Variants in KDM6A observed in about 807,000 individuals in gnomAD.
KDM6A encodes the protein lysine demethylase 6A.
KDM6A carries 11 observed loss-of-function variants against 117.6 expected under a neutral mutation model. That is an observed-to-expected ratio of 0.09 (90% CI 0.06 to 0.15). The LOEUF (loss-of-function observed/expected upper bound fraction) is 0.15. Ranked by LOEUF, KDM6A falls within the 10% of genes least tolerant of loss-of-function variation. The pLI, the probability that KDM6A is intolerant of heterozygous loss-of-function variation, is 1.00. For missense variants in KDM6A, 799 were observed against 1,077.3 expected (o/e 0.74, Z 3.62); for synonymous variants, 384 against 396.1 (o/e 0.97, Z 0.36).
intron 12 of KDM6A, 53 bp from the exon 13 acceptor site, chrX:45,059,969 C>T: frequency 8.4e-7 from 1 of 1,184,759 alleles, no homozygotes; most frequent in South Asian, 1.8e-5. Flanking sequence ...AGTGGACTTG[C>T]TCTTACTCAA....
chrX:45,060,236 T>C (rs1172344977), intron 13 of KDM6A, 80 bp downstream of exon 13: 1 of 1,180,690 alleles, frequency 8.5e-7, no homozygotes, highest in East Asian at 3.0e-5. Context: ...CTTAATTTAC[T>C]AAGCACAGGA....
chrX:44,901,355 C>CA (rs756160982), intron 2 of KDM6A, among the ~76,000 whole-genome samples: 1 of 109,471 alleles, frequency 9.1e-6, no homozygotes, highest in Admixed American at 9.7e-5. Flanking sequence ...GACTCCATCT[C>CA]AAAAAAATAT....
At chrX:45,075,830 A>G (rs1388406348) in intron 18 of KDM6A, among the ~76,000 whole-genome samples, 1 of 111,809 alleles carries the variant, frequency 8.9e-6, no homozygotes, top group Non-Finnish European at 1.9e-5. Context: ...AAAATTTCAA[A>G]TTATTACTTG....
intron 3 of KDM6A, among the ~76,000 whole-genome samples, chrX:44,966,290 C>T (rs965697317): frequency 1.8e-5 from 2 of 109,846 alleles, no homozygotes; most frequent in Non-Finnish European, 1.9e-5. Context: ...TAGAGGTGCG[C>T]GCCACCACGC....
intron 2 of KDM6A, among the ~76,000 whole-genome samples, chrX:44,917,025 CTT>C (rs375157616): frequency 1.7e-4 from 16 of 96,571 alleles, no homozygotes; most frequent in Admixed American, 3.4e-4. Flanking sequence ...TATATACTCA[CTT>C]TTTTTTTTTT....
chrX:45,106,222 A>G (rs1448760602), intron 27 of KDM6A, among the ~76,000 whole-genome samples: 1 of 111,914 alleles, frequency 8.9e-6, no homozygotes, highest in African/African-American at 3.3e-5. Flanking sequence ...ATTGTTTTAT[A>G]TTTGTTAAGT....
intron 4 of KDM6A, among the ~76,000 whole-genome samples, chrX:44,986,278 C>T (rs1307440907): frequency 2.3e-4 from 25 of 111,034 alleles, no homozygotes; most frequent in African/African-American, 3.3e-4. Context: ...TTTTTTATTG[C>T]GTCTATTTGA....
Position 44,930,479 on chromosome X carries a change from T to C in KDM6A, c.226-30805T>C, listed in dbSNP as rs753308280. On this transcript the variant is annotated intron_variant, in intron 2 of 29. Transcript: ENST00000611820. ...TCTCTAAGTAGCTATATTCAGGATT[T>C]CACTATAGGAACTCTACCTTTTTAC... Among the ~76,000 whole-genome samples the C allele has an allele frequency of 2.7e-5, 3 of 111,987 alleles. No individual in the cohort carries two copies. The South Asian group carries it at 1.1e-3, about 41-fold the overall frequency.
chrX:44,993,834 C>G (rs1405997173), intron 4 of KDM6A, among the ~76,000 whole-genome samples: 1 of 111,507 alleles, frequency 9.0e-6, no homozygotes, highest in Non-Finnish European at 1.9e-5. Flanking sequence ...CCACCGCACT[C>G]CAGCCTGGAG....
Position 45,063,571 on chromosome X carries a change from T to G in KDM6A, c.1833T>G (p.Arg611=). 1 of 1,211,727 alleles carries G rather than the reference T, an allele frequency of 8.3e-7. No homozygotes were observed. The highest frequency in any genetic ancestry group is 1.1e-6 in the Non-Finnish European group (1 of 895,510). Residue 611 remains arginine, a synonymous_variant, in exon 17 of 30, where the codon CGT becomes CGG. Coordinates refer to ENST00000611820, the MANE Select transcript of KDM6A (RefSeq NM_001291415.2). ...RVPSVSQPGV[R]PACPGQPLAN... ...CTAGCGTCTCTCAGCCTGGAGTCCG[T>G]CCTGCCTGCCCTGGGCAGCCTTTGG...
At chrX:44,997,665 G>A (rs1209928157) in intron 4 of KDM6A, among the ~76,000 whole-genome samples, 1 of 111,351 alleles carries the variant, frequency 9.0e-6, no homozygotes, top group Middle Eastern at 4.2e-3. Context: ...CTCCCATTCT[G>A]TATCATTTAA....
chrX:45,100,047 A>C (rs1054406932), intron 27 of KDM6A, among the ~76,000 whole-genome samples: 1 of 110,016 alleles, frequency 9.1e-6, no homozygotes, highest in East Asian at 2.8e-4. Context: ...AAAAAAAAAA[A>C]CCCCTCTGCA....
rs772142192 is a variant in KDM6A, at chrX:45,045,521, G to T, written c.655-6188G>T. Among the ~76,000 whole-genome samples, 517 of 106,134 alleles carry T rather than the reference G, an allele frequency of 4.9e-3. 9 individuals carry two copies. The highest frequency in any genetic ancestry group is 0.015 in the African/African-American group (432 of 28,787). The allele number at this position is 106,134 out of a possible 115,157, so 92.2% of individuals were successfully genotyped here. A position where few individuals can be genotyped will look rare whatever the true frequency, so the allele number is the denominator to read the frequency against. On this transcript the variant is annotated intron_variant, in intron 8 of 29. Transcript: ENST00000611820. ...GAATCGCTTGAATCCAGGAGGTGGA[G>T]GTTGCAGTGAGCCAAGATCCCACCA...
At chrX:44,986,398 G>C (rs1238994586) in intron 4 of KDM6A, among the ~76,000 whole-genome samples, 3 of 111,226 alleles carry the variant, frequency 2.7e-5, no homozygotes, top group African/African-American at 9.8e-5. Context: ...GGTTTTTGGT[G>C]TCTCTATTTC....
intron 18 of KDM6A, among the ~76,000 whole-genome samples, chrX:45,070,724 T>A (rs890519262): frequency 5.5e-5 from 6 of 109,383 alleles, no homozygotes; most frequent in Non-Finnish European, 9.5e-5. Context: ...TTTTTTTTTT[T>A]ATCAGAGCCT....
chrX:44,919,666 G>T (rs1266139437), intron 2 of KDM6A, among the ~76,000 whole-genome samples: 2 of 102,507 alleles, frequency 2.0e-5, no homozygotes, highest in East Asian at 5.9e-4. Context: ...TTTGAGATGG[G>T]GTCCCGCTCT....
intron 27 of KDM6A, among the ~76,000 whole-genome samples, chrX:45,091,465 T>C (rs2045892356): frequency 2.7e-5 from 3 of 111,886 alleles, no homozygotes; most frequent in African/African-American, 9.7e-5. Flanking sequence ...TAGTGCTATA[T>C]AGCAGTGTTT....
In KDM6A at chrX:44,976,885, G is replaced by C. The variant is rs370755125; in HGVS notation, c.384+2170G>C. Among the ~76,000 whole-genome samples, 13 of 111,250 alleles carry C rather than the reference G, an allele frequency of 1.2e-4. No individual in the cohort carries two copies. The East Asian group carries it at 3.7e-3, about 32-fold the overall frequency. On this transcript the variant is annotated intron_variant, in intron 4 of 29. Transcript: ENST00000611820. ...GGATTATAGGGTAAATCTGTGTTTA[G>C]CATTTTGGGAAACTGCCAAAACTTT... is the stretch of plus-strand genomic sequence containing the variant.
At chrX:45,000,012 A>G (rs928128964) in intron 4 of KDM6A, among the ~76,000 whole-genome samples, 24 of 112,230 alleles carry the variant, frequency 2.1e-4, no homozygotes, top group Non-Finnish European at 3.9e-4. Flanking sequence ...AGACCTTGCA[A>G]TGCCCTTGTT....
Sources: gnomAD v4.1 joint callset for allele counts (sites outside exome capture counted in the v4.1 genomes callset) on GRCh38, gnomAD v4.1.1 for gene constraint, MANE v1.5 for transcripts, NCBI Gene and HGNC (gene_info 2026-07-23, HGNC 2026-07-21) for gene names.